Variants in DLG2 observed in about 807,000 individuals in gnomAD.
The protein encoded by DLG2 is disks large homolog 2.
In DLG2, 45 loss-of-function variants were observed where a neutral mutation model predicts 132.5. That is an observed-to-expected ratio of 0.34 (90% CI 0.27 to 0.44). DLG2 has a LOEUF of 0.44. Among genes scored for constraint, DLG2 ranks in the 20% least tolerant of loss-of-function variants. The probability of loss-of-function intolerance (pLI) is 1.00; values close to 1 mark genes in which losing one functional copy is unlikely to be tolerated. For missense variants in DLG2, 1,045 were observed against 1,196.9 expected (o/e 0.87, Z 1.87); for synonymous variants, 424 against 419.6 (o/e 1.01, Z -0.13).
chr11:85,432,985 T>C (rs767201277), intron 3 of DLG2, among the ~76,000 whole-genome samples: 5 of 152,146 alleles, frequency 3.3e-5, no homozygotes, highest in Admixed American at 6.5e-5. Flanking sequence ...AGAAACCCTA[T>C]AAGCAAGAAG....
chr11:84,183,866 G>A (rs1596890138), intron 8 of DLG2, among the ~76,000 whole-genome samples: 1 of 152,144 alleles, frequency 6.6e-6, no homozygotes, highest in Admixed American at 6.5e-5. Context: ...GAGAATGACG[G>A]TTTCCAGCTT....
At chr11:84,047,860 T>C (rs2096272862) in intron 11 of DLG2, among the ~76,000 whole-genome samples, 1 of 151,660 alleles carries the variant, frequency 6.6e-6, no homozygotes. Flanking sequence ...ATGTGATTAA[T>C]TCTCTCATAA....
chr11:85,422,065 T>C (rs2090356099), intron 3 of DLG2, among the ~76,000 whole-genome samples: 1 of 152,222 alleles, frequency 6.6e-6, no homozygotes, highest in African/African-American at 2.4e-5. Context: ...GCTTTTAATC[T>C]GATAGGTTTT....
At chr11:84,760,549 C>A (rs2067475039) in intron 6 of DLG2, among the ~76,000 whole-genome samples, 1 of 152,210 alleles carries the variant, frequency 6.6e-6, no homozygotes, top group African/African-American at 2.4e-5. Flanking sequence ...ATGACCTGTG[C>A]TGCTTCTGCA....
At chr11:84,210,862 G>T (rs947723153) in intron 8 of DLG2, among the ~76,000 whole-genome samples, 4 of 152,112 alleles carry the variant, frequency 2.6e-5, no homozygotes, top group African/African-American at 9.7e-5. Context: ...AAAGAAAAGA[G>T]AACTTTCTAG....
chr11:84,758,518 C>T (rs2067186858), intron 6 of DLG2, among the ~76,000 whole-genome samples: 3 of 152,152 alleles, frequency 2.0e-5, no homozygotes, highest in Admixed American at 2.0e-4. Flanking sequence ...TTTATATTTT[C>T]TCATTGTTTT....
chr11:85,056,760 A>T (rs968463221), intron 6 of DLG2, among the ~76,000 whole-genome samples: 2 of 152,048 alleles, frequency 1.3e-5, no homozygotes, highest in Admixed American at 1.3e-4. Context: ...GACATTAATT[A>T]TAAAGAAGCA....
At chr11:85,246,944 A>C (rs2076164225) in intron 4 of DLG2, among the ~76,000 whole-genome samples, 1 of 152,106 alleles carries the variant, frequency 6.6e-6, no homozygotes, top group Admixed American at 6.6e-5. Context: ...CCACTAGAAT[A>C]GCATTCCAGA....
intron 6 of DLG2, among the ~76,000 whole-genome samples, chr11:84,839,910 C>T (rs1371598091): frequency 6.6e-6 from 1 of 152,000 alleles, no homozygotes; most frequent in Non-Finnish European, 1.5e-5. Context: ...TAGGCAATAC[C>T]ATTCAGGACA....
chr11:84,308,345 T>A (rs915090008), intron 7 of DLG2, among the ~76,000 whole-genome samples: 10 of 152,070 alleles, frequency 6.6e-5, no homozygotes, highest in African/African-American at 1.4e-4. Flanking sequence ...GCATTCACAA[T>A]CCCTGAGCTA....
intron 8 of DLG2, among the ~76,000 whole-genome samples, chr11:84,232,157 G>C (rs760321249): frequency 6.6e-6 from 1 of 152,152 alleles, no homozygotes; most frequent in Non-Finnish European, 1.5e-5. Context: ...TACAATTCTC[G>C]TATCACCTTC....
intron 18 of DLG2, among the ~76,000 whole-genome samples, chr11:83,713,885 GA>G (rs1212517692): frequency 1.3e-5 from 2 of 152,178 alleles, no homozygotes; most frequent in Non-Finnish European, 2.9e-5. Flanking sequence ...AATGTGCAAG[GA>G]TGAAAAGAGC....
chr11:83,497,982 G>A (rs1269692676), intron 21 of DLG2, among the ~76,000 whole-genome samples: 1 of 150,680 alleles, frequency 6.6e-6, no homozygotes, highest in East Asian at 1.9e-4. Flanking sequence ...AAAATTCAAA[G>A]GGAATTGAGG....
At position 85,571,735 on chromosome 11, in the gene DLG2, C is replaced by A. The variant is rs116874607; in HGVS notation, c.40+26922G>T. 4.4e-3 allele frequency among the ~76,000 whole-genome samples: 676 copies of A among 152,284 alleles called. 10 individuals carry two copies. Among genetic ancestry groups the A allele is most frequent in the East Asian group, 0.042 (217 of 5,184 alleles). On this transcript the variant is annotated intron_variant, in intron 3 of 27. Coordinates refer to ENST00000376104, the MANE Select transcript of DLG2 (RefSeq NM_001142699.3). Reference sequence around the variant, plus strand: ...CTTCTTCCCAAGAATTTTAGTTAGTCTTTTGCTCACCTGAAGTGTTATCTA... The same window carrying A: ...CTTCTTCCCAAGAATTTTAGTTAGTATTTTGCTCACCTGAAGTGTTATCTA...
At chr11:84,705,500 G>A (rs1471225580) in intron 6 of DLG2, among the ~76,000 whole-genome samples, 1 of 151,676 alleles carries the variant, frequency 6.6e-6, no homozygotes, top group Non-Finnish European at 1.5e-5. Flanking sequence ...AGCAATAAAA[G>A]CAAAACAAAT....
At chr11:85,163,877 G>A (rs901874169) in intron 4 of DLG2, among the ~76,000 whole-genome samples, 6 of 152,014 alleles carry the variant, frequency 3.9e-5, no homozygotes, top group African/African-American at 1.5e-4. Context: ...TTGACATAAG[G>A]CAGCTTAACT....
intron 6 of DLG2, among the ~76,000 whole-genome samples, chr11:84,644,093 T>C (rs187264473): frequency 2.0e-4 from 31 of 152,302 alleles, no homozygotes; most frequent in Non-Finnish European, 4.4e-5. Flanking sequence ...GCTTCCCCAA[T>C]ACGTGGCCGT....
At chr11:84,847,138 T>C (rs2081572339) in intron 6 of DLG2, among the ~76,000 whole-genome samples, 1 of 152,090 alleles carries the variant, frequency 6.6e-6, no homozygotes, top group Admixed American at 6.6e-5. Context: ...AAAACAGAAA[T>C]TGATATTTGA....
rs547980290 is a variant in DLG2, at chr11:83,892,728, A to G, written c.1497-18240T>C. Among the ~76,000 whole-genome samples the G allele has an allele frequency of 9.9e-5, 15 of 151,660 alleles. No homozygotes were observed. The South Asian group carries it at 3.1e-3, about 32-fold the overall frequency. ...AAAAAAAAACTCACCTCTAGAGGCC[A>G]AAAGTTTTATCATAGTTTGTTAAGT... On this transcript the variant is annotated intron_variant, in intron 15 of 27. Transcript: ENST00000376104.
Sources: gnomAD v4.1 joint callset for allele counts (sites outside exome capture counted in the v4.1 genomes callset) on GRCh38, gnomAD v4.1.1 for gene constraint, MANE v1.5 for transcripts, NCBI Gene and HGNC (gene_info 2026-07-23, HGNC 2026-07-21) for gene names.